The following UFL1 variants were observed in gnomAD, a reference collection of about 807,000 sequenced individuals.
UFL1 encodes UFM1 specific ligase 1.
Under a neutral mutation model 99.3 loss-of-function variants are expected in UFL1, and 78 were observed. The observed-to-expected ratio is 0.79, with a 90% CI of 0.65 to 0.95. The LOEUF is 0.95. Among genes scored for constraint, UFL1 ranks in the 40% least tolerant of loss-of-function variants. The pLI is 0.00. For missense variants in UFL1, 936 were observed against 937.0 expected, an observed-to-expected ratio of 1.00 and a Z score of 0.01; for synonymous variants, 335 against 322.2, an observed-to-expected ratio of 1.04 and a Z score of -0.42.
chr6:96,550,587 T>C (rs1459621571), intron 15 of UFL1, among the ~76,000 whole-genome samples: 2 of 152,024 alleles, frequency 1.3e-5, no homozygotes, highest in Non-Finnish European at 2.9e-5. Flanking sequence ...TTTAGTTTCA[T>C]GTGACTTCTC....
intron 3 of UFL1, 93 bp from the exon 4 acceptor site, chr6:96,525,204 C>A: frequency 9.8e-7 from 1 of 1,015,696 alleles, no homozygotes; most frequent in Non-Finnish European, 1.4e-6. Flanking sequence ...GCCTGGCCGG[C>A]AATTTCTTTA....
intron 12 of UFL1, among the ~76,000 whole-genome samples, chr6:96,546,020 A>G (rs1769993180): frequency 6.6e-6 from 1 of 151,244 alleles, no homozygotes; most frequent in Non-Finnish European, 1.5e-5. Flanking sequence ...TCCTAGCCAG[A>G]GCAGTCAGGC....
chr6:96,553,228 T>A lies in UFL1; in HGVS notation c.2167-57T>A. 2.6e-6 allele frequency: 4 copies of A among 1,525,166 alleles called. No homozygotes were observed. The South Asian group carries it at 4.8e-5, about 18-fold the overall frequency. 94.5% of individuals were successfully genotyped at this position (1,525,166 alleles called of 1,614,324 possible). On this transcript the variant is annotated intron_variant, in intron 18 of 18. Coordinates refer to ENST00000369278, the MANE Select transcript of UFL1 (RefSeq NM_015323.5). ...TGTATTAGTTGAAGAAATTCTACTT[T>A]ATCTGTTCCACAAAAAGATAAATTG...
intron 7 of UFL1, among the ~76,000 whole-genome samples, chr6:96,535,129 A>C (rs928387594): frequency 6.6e-6 from 1 of 152,028 alleles, no homozygotes; most frequent in African/African-American, 2.4e-5. Context: ...TACATTGTAC[A>C]GTCATACTAA....
chr6:96,547,208 C>T (rs574228373), intron 12 of UFL1, among the ~76,000 whole-genome samples: 7 of 151,686 alleles, frequency 4.6e-5, no homozygotes, highest in East Asian at 3.9e-4. Context: ...AAGCAGCCAA[C>T]GAACACATGA....
intron 9 of UFL1, 96 bp from the exon 10 acceptor site, chr6:96,538,535 T>C (rs1769886293): frequency 6.2e-6 from 7 of 1,122,052 alleles, no homozygotes; most frequent in Non-Finnish European, 7.4e-6. Context: ...CTGGACTTAA[T>C]GAGATCATCT....
intron 6 of UFL1, among the ~76,000 whole-genome samples, chr6:96,533,368 A>C (rs1353713811): frequency 6.6e-6 from 1 of 152,124 alleles, no homozygotes; most frequent in Non-Finnish European, 1.5e-5. Context: ...CTGTCAGCTG[A>C]TGAGTATATA....
intron 12 of UFL1, among the ~76,000 whole-genome samples, chr6:96,544,232 A>G (rs545927006): frequency 1.3e-5 from 2 of 151,208 alleles, no homozygotes; most frequent in South Asian, 4.1e-4. Context: ...AGCATTAATT[A>G]TATGCATCTT....
Position 96,537,569 on chromosome 6 carries a change from C to A in UFL1, c.978+20C>A. On this transcript the variant is annotated intron_variant, in intron 9 of 18. Transcript: ENST00000369278. ...ATTGCAGTATGTTTTATCTTTTCCT[C>A]ACTTTTCTTTAAACAGTGACAACTG... The A allele has an allele frequency of 6.5e-7, 1 of 1,548,078 alleles. No individual in the cohort carries two copies. The highest frequency in any genetic ancestry group is 1.2e-5 in the South Asian group (1 of 81,572).
intron 6 of UFL1, among the ~76,000 whole-genome samples, chr6:96,533,685 G>A (rs1452744766): frequency 6.7e-6 from 1 of 149,214 alleles, no homozygotes; most frequent in Non-Finnish European, 1.5e-5. Flanking sequence ...TCATTGAATT[G>A]TACACTTAAA....
chr6:96,549,944 T>G (rs1209521413), intron 15 of UFL1, 145 bp downstream of exon 15: 19 of 1,075,848 alleles, frequency 1.8e-5, no homozygotes, highest in East Asian at 5.1e-5. Context: ...TTTATTCAAC[T>G]TTAGTACTAT....
intron 10 of UFL1, 139 bp from the exon 11 acceptor site, chr6:96,540,396 G>A: frequency 1.8e-6 from 2 of 1,117,130 alleles, no homozygotes; most frequent in Non-Finnish European, 1.2e-6. Context: ...ATTTGCCTTA[G>A]AGTGACAGCT....
Position 96,523,295 on chromosome 6 carries a change from G to C in UFL1, c.223+4G>C. ...GATGAGCTACATGTCCGAGGTGGTAGGTAATTCTTTAGTGTTTTTTTTTTT... is the reference window on the plus strand; with the variant it reads ...GATGAGCTACATGTCCGAGGTGGTACGTAATTCTTTAGTGTTTTTTTTTTT... On this transcript the variant is annotated splice_donor_region_variant and intron_variant, in intron 2 of 18. Coordinates refer to ENST00000369278, the MANE Select transcript of UFL1 (RefSeq NM_015323.5). The C allele has an allele frequency of 6.3e-7, 1 of 1,578,602 alleles. No homozygotes were observed. Among genetic ancestry groups the C allele is most frequent in the Non-Finnish European group, 8.6e-7 (1 of 1,168,016 alleles).
At chr6:96,540,880 C>G (rs1769921823) in intron 11 of UFL1, among the ~76,000 whole-genome samples, 1 of 151,298 alleles carries the variant, frequency 6.6e-6, no homozygotes, top group Non-Finnish European at 1.5e-5. Flanking sequence ...TTTATTTTAT[C>G]ATCATGCTCA....
intron 1 of UFL1, 148 bp downstream of exon 1, chr6:96,522,098 G>T (rs1193262722): frequency 4.0e-6 from 4 of 1,007,540 alleles, no homozygotes; most frequent in Admixed American, 2.5e-5. Context: ...CCCGAGCCTG[G>T]ATCGCAGTTC....
In UFL1 at chr6:96,526,225, G is replaced by C; in HGVS notation, c.351-96G>C. ...ACACACACATTTCATTACTTTTGGGGCATACTTCATTTCAACGGAAATTAA... is the reference window on the plus strand; with the variant it reads ...ACACACACATTTCATTACTTTTGGGCCATACTTCATTTCAACGGAAATTAA... On this transcript the variant is annotated intron_variant, in intron 4 of 18. Coordinates refer to ENST00000369278, the MANE Select transcript of UFL1 (RefSeq NM_015323.5). The C allele has an allele frequency of 2.4e-5, 22 of 933,428 alleles. 2 individuals are homozygous for C. The South Asian group carries it at 3.4e-4, about 14-fold the overall frequency. The allele number at this position is 933,428 out of a possible 1,614,324, so 57.8% of individuals were successfully genotyped here.
At position 96,552,669 on chromosome 6, in the gene UFL1, C is replaced by A. The variant is rs756814615; in HGVS notation, c.2166+7C>A. ...TAATAGTAAAATTCCAGAGGTATTA[C>A]ATTTTCAATACACTTGAAACTTTCA... On this transcript the variant is annotated splice_region_variant and intron_variant, in intron 18 of 18. Transcript: ENST00000369278. 1.9e-6 allele frequency: 3 copies of A among 1,584,994 alleles called. No individual in the cohort carries two copies. Among genetic ancestry groups the A allele is most frequent in the East Asian group, 4.5e-5 (2 of 44,516 alleles).
rs952720366 is a variant in UFL1 at position 96,554,523 on chromosome 6, C to T, written c.*1020C>T. 1 of 151,530 alleles carries T rather than the reference C, an allele frequency of 6.6e-6. No individual in the cohort carries two copies. Among genetic ancestry groups the T allele is most frequent in the Non-Finnish European group, 1.5e-5 (1 of 67,848 alleles). 9.4% of individuals were successfully genotyped at this position (151,530 alleles called of 1,614,324 possible). A position where few individuals can be genotyped will look rare whatever the true frequency, so the allele number is the denominator to read the frequency against. ...GAGTTCCTTAGAGTAATCATTTCAA[C>T]CAAATGAATTTCAAGCAACAACTTA... On this transcript the variant is annotated 3_prime_UTR_variant, in exon 19 of 19. Transcript: ENST00000369278.
At position 96,526,328 on chromosome 6, in the gene UFL1, T is replaced by C. The variant is rs765224813; in HGVS notation, c.358T>C (p.Leu120=). 1.2e-6 allele frequency: 2 copies of C among 1,611,896 alleles called. No homozygotes were observed. The highest frequency in any genetic ancestry group is 3.4e-5 in the Admixed American group (2 of 59,554). The part of the protein sequence containing the change: ...VLGQLIDENY[L]DRLAEEVNDK... The stretch of plus-strand genomic sequence containing the variant: ...TCTTGTTTTCACTATTAGGAATTAT[T>C]TGGATCGGTTGGCAGAAGAGGTCAA... Residue 120 remains leucine, a synonymous_variant, in exon 5 of 19, where the codon TTG becomes CTG. Coordinates refer to ENST00000369278, the MANE Select transcript of UFL1 (RefSeq NM_015323.5).
Sources: allele counts gnomAD v4.1 joint callset (sites outside exome capture counted in the v4.1 genomes callset), GRCh38; gene constraint gnomAD v4.1.1; transcripts MANE v1.5; gene names NCBI Gene and HGNC (gene_info 2026-07-23, HGNC 2026-07-21).